MEIKIN: variants seen among roughly 807,000 people sequenced by gnomAD.
MEIKIN encodes meiotic kinetochore factor.
At chr5:131,892,810 G>GT (rs1250729339) in intron 8 of MEIKIN, among the ~76,000 whole-genome samples, 1 of 152,146 alleles carries the variant, frequency 6.6e-6, no homozygotes, top group African/African-American at 2.4e-5. Flanking sequence ...AGAGTTTCCA[G>GT]TTTTTCTGCT....
At chr5:131,843,264 A>G (rs905717791) in intron 11 of MEIKIN, among the ~76,000 whole-genome samples, 14 of 152,106 alleles carry the variant, frequency 9.2e-5, no homozygotes, top group Admixed American at 8.5e-4. Flanking sequence ...CCCTGTAGGT[A>G]TTTTTCCCAC....
chr5:131,941,138 CTTCCTTT>C (rs1751862670), intron 4 of MEIKIN, among the ~76,000 whole-genome samples: 1 of 116,500 alleles, frequency 8.6e-6, no homozygotes, highest in East Asian at 2.5e-4. Context: ...TTCAAGATCT[CTTCCTTT>C]TTTTTTTTTT....
chr5:131,943,772 T>C (rs1751914716), intron 3 of MEIKIN, among the ~76,000 whole-genome samples: 1 of 152,130 alleles, frequency 6.6e-6, no homozygotes, highest in Non-Finnish European at 1.5e-5. Context: ...ATGTCTTGTG[T>C]TGAAACTGCC....
chr5:131,818,883 G>C lies in MEIKIN; in HGVS notation c.976-20C>G. 2.5e-6 allele frequency: 1 copy of C among 396,864 alleles called. No homozygotes were observed. Among genetic ancestry groups the C allele is most frequent in the East Asian group, 3.6e-5 (1 of 27,906 alleles). 24.6% of individuals were successfully genotyped at this position (396,864 alleles called of 1,614,324 possible). A position where few individuals can be genotyped will look rare whatever the true frequency, so the allele number is the denominator to read the frequency against. On this transcript the variant is annotated intron_variant, in intron 11 of 12. Coordinates refer to ENST00000442687, the MANE Select transcript of MEIKIN (RefSeq NM_001303622.2). ...AGGAAACTGGAAAAGAAAAAAAGCA[G>C]ATATTGCATAATTCCTCCAAATACT...
At chr5:131,894,867 T>C in intron 8 of MEIKIN, among the ~76,000 whole-genome samples, 1 of 152,198 alleles carries the variant, frequency 6.6e-6, no homozygotes, top group Non-Finnish European at 1.5e-5. Context: ...TTACTTCCTC[T>C]TTTCCGAACT....
At chr5:131,889,142 C>T (rs1179318111) in intron 8 of MEIKIN, among the ~76,000 whole-genome samples, 1 of 152,034 alleles carries the variant, frequency 6.6e-6, no homozygotes, top group Non-Finnish European at 1.5e-5. Flanking sequence ...AGTTAGGTAG[C>T]GTGATGCCTC....
In MEIKIN at chr5:131,940,379, G is replaced by T. The variant is rs78357130; in HGVS notation, c.349+2256C>A. Among the ~76,000 whole-genome samples the T allele has an allele frequency of 2.6e-3, 399 of 152,104 alleles. 1 individual carries two copies. The highest frequency in any genetic ancestry group is 9.2e-3 in the African/African-American group (382 of 41,494). ...AATTAATTCCAATATTAGACTCCTC[G>T]GTTAAGTTTTAATTTGAAATAATAT... On this transcript the variant is annotated intron_variant, in intron 4 of 12. Transcript: ENST00000442687.
intron 11 of MEIKIN, among the ~76,000 whole-genome samples, chr5:131,832,936 G>A (rs906454150): frequency 5.3e-5 from 8 of 152,240 alleles, no homozygotes; most frequent in Non-Finnish European, 1.0e-4. Context: ...GGCCTGTGAT[G>A]GGAGGGGCTG....
At chr5:131,811,879 C>T (rs895426610) in intron 12 of MEIKIN, among the ~76,000 whole-genome samples, 6 of 152,202 alleles carry the variant, frequency 3.9e-5, no homozygotes, top group Admixed American at 3.3e-4. Flanking sequence ...CAGGCCTAAG[C>T]CACTGCGCCC....
intron 9 of MEIKIN, among the ~76,000 whole-genome samples, chr5:131,871,110 A>C (rs1264269406): frequency 6.6e-6 from 1 of 152,178 alleles, no homozygotes; most frequent in Non-Finnish European, 1.5e-5. Flanking sequence ...TTTCCAACTG[A>C]GGTACCCGGT....
chr5:131,856,320 A>C (rs1158209321), intron 9 of MEIKIN, among the ~76,000 whole-genome samples: 6 of 152,330 alleles, frequency 3.9e-5, no homozygotes. Context: ...TCATTGTGGC[A>C]GTCCTGAAGG....
At chr5:131,874,887 C>T (rs1561740725) in intron 9 of MEIKIN, among the ~76,000 whole-genome samples, 1 of 152,134 alleles carries the variant, frequency 6.6e-6, no homozygotes, top group South Asian at 2.1e-4. Context: ...GAACCAAAGA[C>T]AAAAACCACA....
At chr5:131,925,643 C>G (rs565088148) in intron 5 of MEIKIN, among the ~76,000 whole-genome samples, 2 of 151,886 alleles carry the variant, frequency 1.3e-5, no homozygotes, top group Admixed American at 6.6e-5. Context: ...TTCATTTAAT[C>G]GTTCAAATAA....
chr5:131,868,108 G>A (rs1175929310), intron 9 of MEIKIN, among the ~76,000 whole-genome samples: 2 of 152,084 alleles, frequency 1.3e-5, no homozygotes, highest in East Asian at 3.9e-4. Flanking sequence ...TGGTTTTTTT[G>A]AAACAGAGTC....
chr5:131,941,741 C>T (rs1751873284), intron 4 of MEIKIN, among the ~76,000 whole-genome samples: 1 of 152,170 alleles, frequency 6.6e-6, no homozygotes, highest in Non-Finnish European at 1.5e-5. Flanking sequence ...ATCTTAAATG[C>T]ACTCATAACT....
intron 8 of MEIKIN, among the ~76,000 whole-genome samples, chr5:131,899,792 C>G (rs1010308413): frequency 5.3e-5 from 8 of 152,050 alleles, no homozygotes; most frequent in Non-Finnish European, 1.2e-4. Flanking sequence ...ATATATGCAC[C>G]TAACACTGGG....
intron 3 of MEIKIN, 149 bp downstream of exon 3, chr5:131,944,516 T>C (rs1236422108): frequency 5.1e-6 from 2 of 394,430 alleles, no homozygotes; most frequent in African/African-American, 4.1e-5. Context: ...AGGCCCTGTC[T>C]AAAGACACGT....
chr5:131,915,660 A>G (rs1049865424), intron 7 of MEIKIN, among the ~76,000 whole-genome samples: 2 of 152,222 alleles, frequency 1.3e-5, no homozygotes, highest in African/African-American at 4.8e-5. Flanking sequence ...GAATGGGGAG[A>G]AAATCCGAGA....
chr5:131,856,432 G>A (rs1750194030), intron 9 of MEIKIN, among the ~76,000 whole-genome samples: 2 of 152,170 alleles, frequency 1.3e-5, no homozygotes, highest in Admixed American at 1.3e-4. Context: ...ATATGCTTCA[G>A]CTTTCATGCT....
Sources: gnomAD v4.1 joint callset for allele counts (sites outside exome capture counted in the v4.1 genomes callset) on GRCh38, gnomAD v4.1.1 for gene constraint, MANE v1.5 for transcripts, NCBI Gene and HGNC (gene_info 2026-07-23, HGNC 2026-07-21) for gene names.